The following DNAJB11 variants were observed in gnomAD, a reference collection of about 807,000 sequenced individuals.
DNAJB11 encodes the protein DnaJ heat shock protein family (Hsp40) member B11.
A neutral mutation model predicts 47.2 loss-of-function variants in DNAJB11; 30 were observed. The ratio of observed to expected loss-of-function variants is 0.64; its 90% confidence interval spans 0.48 to 0.86. The LOEUF is 0.86. Among genes scored for constraint, DNAJB11 ranks in the 40% least tolerant of loss-of-function variants. The pLI is 0.00. For synonymous variants in DNAJB11, 151 were observed against 159.9 expected (o/e 0.94, Z 0.42); for missense variants, 357 against 440.2 (o/e 0.81, Z 1.69).
intron 2 of DNAJB11, among the ~76,000 whole-genome samples, chr3:186,575,368 C>CGCGCGTGT (rs1406330956): frequency 0.011 from 1,639 of 143,418 alleles, 11 homozygotes; most frequent in Middle Eastern, 0.018. Context: ...CGCGCGCGCG[C>CGCGCGTGT]GTGTGTGTGT....
intron 1 of DNAJB11, among the ~76,000 whole-genome samples, chr3:186,571,757 T>G (rs1715066140): frequency 6.6e-6 from 1 of 152,198 alleles, no homozygotes; most frequent in Admixed American, 6.5e-5. Context: ...TTAATTTGAT[T>G]ATATGGTTAT....
At chr3:186,581,824 G>A (rs1715495406) in intron 5 of DNAJB11, among the ~76,000 whole-genome samples, 171 bp from the exon 6 acceptor site, 1 of 151,968 alleles carries the variant, frequency 6.6e-6, no homozygotes, top group Admixed American at 6.6e-5. Context: ...GCTTCACCCT[G>A]GATTTTAGCA....
rs764402304 is a variant in DNAJB11 at position 186,581,513 on chromosome 3, A to G, written c.599A>G (p.Lys200Arg). ...EVVCDECPNV[K>R]LVNEERTLEV... Reference sequence around the variant, plus strand: ...GTCTGCGACGAATGCCCTAATGTCAAGTAAGTGAAAGCACCTTCTTTGTTC... The same window carrying G: ...GTCTGCGACGAATGCCCTAATGTCAGGTAAGTGAAAGCACCTTCTTTGTTC... The change falls in exon 5 of 10, where the codon AAA becomes AGA. Residue 200 changes from lysine (K) to arginine (R), a missense_variant and splice_region_variant. By Grantham distance (26) the Lys-to-Arg change is conservative. Coordinates refer to ENST00000265028, the MANE Select transcript of DNAJB11 (RefSeq NM_016306.6). 2 of 1,610,260 alleles carry G rather than the reference A, an allele frequency of 1.2e-6. No homozygotes were observed. The highest frequency in any genetic ancestry group is 1.3e-5 in the African/African-American group (1 of 74,406).
rs1461199526 is a variant in DNAJB11 at position 186,583,903 on chromosome 3, C to T, written c.779C>T (p.Thr260Ile). The T allele has an allele frequency of 6.2e-7, 1 of 1,613,564 alleles. No homozygotes were observed. The highest frequency in any genetic ancestry group is 1.3e-5 in the African/African-American group (1 of 74,894). ...GAAAGGAGAGGAGATGATTTGTACA[C>T]AAATGTGACAATCTCATTAGTTGAG... is the stretch of plus-strand genomic sequence containing the variant. ...IFERRGDDLY[T>I]NVTISLVESL... The change falls in exon 8 of 10, where the codon ACA (threonine) becomes ATA (isoleucine). Residue 260 changes from threonine to isoleucine, a missense_variant. By Grantham distance (89) the Thr-to-Ile change is moderately conservative (BLOSUM62 -1). Transcript: ENST00000265028.
In DNAJB11 at chr3:186,577,783, G is replaced by T; in HGVS notation, c.439G>T (p.Ala147Ser). ...DLEVTLEEVY[A>S]GNFVEVVRNK... ...AGAAGTCACTTTGGAAGAAGTATAT[G>T]CAGGAAATTTTGTGGAAGTAAGTTC... is the stretch of plus-strand genomic sequence containing the variant. Residue 147 changes from alanine (A) to serine (S), a missense_variant, in exon 4 of 10, where the codon GCA becomes TCA. Transcript: ENST00000265028. 6.2e-7 allele frequency: 1 copy of T among 1,600,836 alleles called. No individual in the cohort carries two copies. The highest frequency in any genetic ancestry group is 8.5e-7 in the Non-Finnish European group (1 of 1,175,516).
chr3:186,576,057 C>G, intron 3 of DNAJB11, 120 bp downstream of exon 3: 1 of 657,914 alleles, frequency 1.5e-6, no homozygotes, highest in Non-Finnish European at 2.6e-6. Flanking sequence ...TTAGCTGATC[C>G]AAAGATCAAT....
At chr3:186,584,253 T>A (rs1715593982) in intron 8 of DNAJB11, among the ~76,000 whole-genome samples, 177 bp from the exon 9 acceptor site, 1 of 152,262 alleles carries the variant, frequency 6.6e-6, no homozygotes, top group African/African-American at 2.4e-5. Context: ...TTGATTTTTC[T>A]TCTTTAAAAT....
At chr3:186,579,755 T>G (rs1715417898) in intron 4 of DNAJB11, 1 of 152,378 alleles carries the variant, frequency 6.6e-6, no homozygotes, top group Non-Finnish European at 1.5e-5. Flanking sequence ...TTGTTTTGTT[T>G]GCTGTCTGGA....
intron 7 of DNAJB11, 49 bp downstream of exon 7, chr3:186,582,822 G>C: frequency 7.5e-7 from 1 of 1,337,790 alleles, no homozygotes; most frequent in South Asian, 1.3e-5. Flanking sequence ...AAATTATAGA[G>C]ACGTAGGTGG....
At chr3:186,573,395 T>A (rs1715153687) in intron 2 of DNAJB11, among the ~76,000 whole-genome samples, 1 of 151,798 alleles carries the variant, frequency 6.6e-6, no homozygotes, top group African/African-American at 2.4e-5. Context: ...TCTTTTTTAT[T>A]TTTTTTTGAG....
At chr3:186,576,047 T>C in intron 3 of DNAJB11, 110 bp downstream of exon 3, 1 of 703,938 alleles carries the variant, frequency 1.4e-6, no homozygotes, top group Admixed American at 2.5e-5. Flanking sequence ...ACAGTACAAT[T>C]TAGCTGATCC....
intron 4 of DNAJB11, chr3:186,578,362 C>T (rs1715370793): frequency 6.6e-6 from 1 of 152,006 alleles, no homozygotes; most frequent in African/African-American, 2.4e-5. Context: ...TCCATATTTC[C>T]AGGTTCAGAT....
chr3:186,575,853 G>A lies in DNAJB11; in HGVS notation c.239G>A (p.Ser80Asn), dbSNP rs780286647. ...LGAAYEVLSD[S>N]EKRKQYDTYG... ...TTTTATCCCCAGGTTCTGTCAGATAGTGAGAAACGGAAACAGTACGATACT... is the reference window on the plus strand; with the variant it reads ...TTTTATCCCCAGGTTCTGTCAGATAATGAGAAACGGAAACAGTACGATACT... The change falls in exon 3 of 10, where the codon AGT becomes AAT. Residue 80 changes from serine to asparagine, a missense_variant. Ser to Asn is a conservative substitution (Grantham distance 46). Coordinates refer to ENST00000265028, the MANE Select transcript of DNAJB11 (RefSeq NM_016306.6). The A allele has an allele frequency of 6.2e-7, 1 of 1,613,700 alleles. No homozygotes were observed. The highest frequency in any genetic ancestry group is 1.1e-5 in the South Asian group (1 of 91,046).
chr3:186,581,880 C>G (rs1476305182), intron 5 of DNAJB11, 115 bp from the exon 6 acceptor site: 1 of 818,044 alleles, frequency 1.2e-6, no homozygotes, highest in Non-Finnish European at 1.9e-6. Context: ...CAAGTAGAGG[C>G]ACACTACAGT....
At chr3:186,572,050 A>G in intron 1 of DNAJB11, 45 bp from the exon 2 acceptor site, 1 of 1,459,584 alleles carries the variant, frequency 6.9e-7, no homozygotes, top group Non-Finnish European at 9.2e-7. Flanking sequence ...TGAAAAATGT[A>G]ACATGTAACT....
At chr3:186,574,317 C>T (rs1715188667) in intron 2 of DNAJB11, among the ~76,000 whole-genome samples, 1 of 152,076 alleles carries the variant, frequency 6.6e-6, no homozygotes, top group Admixed American at 6.5e-5. Context: ...TTACAGAAGC[C>T]TCTGATGTCT....
rs549006713 is a variant in DNAJB11 at position 186,582,851 on chromosome 3, T to A, written c.740+78T>A. 6 of 1,043,560 alleles carry A rather than the reference T, an allele frequency of 5.7e-6. 1 individual carries two copies. In the Admixed American group the frequency reaches 1.2e-4, roughly 21 times the overall value. 64.6% of individuals were successfully genotyped at this position (1,043,560 alleles called of 1,614,324 possible). The stretch of plus-strand genomic sequence containing the variant: ...TAGGTGGCCACCAGAGCAGTTAGAC[T>A]TTTTTCTCTGTTTCTTACCCTTATT... On this transcript the variant is annotated intron_variant, in intron 7 of 9. Transcript: ENST00000265028.
chr3:186,572,452 C>T (rs1176173505), intron 2 of DNAJB11, among the ~76,000 whole-genome samples: 1 of 152,210 alleles, frequency 6.6e-6, no homozygotes, highest in Non-Finnish European at 1.5e-5. Context: ...AGCAGTTCTC[C>T]CGCCTCAGCC....
chr3:186,581,324 G>C lies in DNAJB11; in HGVS notation c.457-47G>C, dbSNP rs911367872. The C allele has an allele frequency of 4.4e-6, 7 of 1,604,124 alleles. No individual in the cohort carries two copies. In the African/African-American group the frequency reaches 9.4e-5, roughly 22 times the overall value. On this transcript the variant is annotated intron_variant, in intron 4 of 9. Transcript: ENST00000265028. ...CCTTGATCAATTGAGGAAAGGAAAGGCTGTTTTACACAAGAGAGAAGCTGA... is the reference window on the plus strand; with the variant it reads ...CCTTGATCAATTGAGGAAAGGAAAGCCTGTTTTACACAAGAGAGAAGCTGA...
Sources: gnomAD v4.1 joint callset for allele counts (sites outside exome capture counted in the v4.1 genomes callset) on GRCh38, gnomAD v4.1.1 for gene constraint, MANE v1.5 for transcripts, NCBI Gene and HGNC (gene_info 2026-07-23, HGNC 2026-07-21) for gene names.